The following SPATS2 variants were observed in gnomAD, a reference collection of about 807,000 sequenced individuals.
SPATS2 encodes the protein spermatogenesis associated serine rich 2.
In SPATS2, 38 loss-of-function variants were observed where a neutral mutation model predicts 63.7. The ratio of observed to expected loss-of-function variants is 0.60; its 90% confidence interval spans 0.46 to 0.78. The LOEUF (loss-of-function observed/expected upper bound fraction) is 0.78, where lower values mean the gene tolerates loss of function less well. Among genes scored for constraint, SPATS2 ranks in the 30% least tolerant of loss-of-function variants. SPATS2 has a pLI of 0.00. For missense variants in SPATS2, 588 were observed against 666.2 expected (o/e 0.88, Z 1.29); for synonymous variants, 207 against 232.9 (o/e 0.89, Z 1.01).
intron 2 of SPATS2, among the ~76,000 whole-genome samples, chr12:49,437,840 C>T (rs892884867): frequency 1.1e-4 from 17 of 151,652 alleles, no homozygotes; most frequent in Middle Eastern, 6.8e-3. Flanking sequence ...AGAGGGAGAC[C>T]GTGGGGAGAG....
intron 2 of SPATS2, among the ~76,000 whole-genome samples, chr12:49,453,431 G>C (rs1049398380): frequency 6.6e-6 from 1 of 152,120 alleles, no homozygotes; most frequent in Non-Finnish European, 1.5e-5. Context: ...GACTAAATCT[G>C]TGGAATCTTT....
rs527624122 is a variant in SPATS2 at position 49,450,938 on chromosome 12, G to A, written c.-243-9832G>A. Among the ~76,000 whole-genome samples, 11 of 151,116 alleles carry A rather than the reference G, an allele frequency of 7.3e-5. No homozygotes were observed. In the East Asian group the frequency reaches 7.7e-4, roughly 11 times the overall value. ...GGCTAGAGTGCAGTTACACGATCTC[G>A]GCTCGCTGGAACCTCTGCCTCCTGG... On this transcript the variant is annotated intron_variant, in intron 2 of 13. Coordinates refer to ENST00000552918, the MANE Select transcript of SPATS2 (RefSeq NM_023071.4).
At chr12:49,469,108 A>C (rs1455603584) in intron 3 of SPATS2, among the ~76,000 whole-genome samples, 1 of 151,964 alleles carries the variant, frequency 6.6e-6, no homozygotes, top group Non-Finnish European at 1.5e-5. Context: ...AAAATAAAAT[A>C]AATTAATGGC....
chr12:49,382,596 A>T (rs934285319), intron 2 of SPATS2, among the ~76,000 whole-genome samples: 5 of 152,192 alleles, frequency 3.3e-5, no homozygotes, highest in African/African-American at 1.2e-4. Context: ...CACTGTCCTA[A>T]TTAACATTCC....
intron 9 of SPATS2, among the ~76,000 whole-genome samples, chr12:49,505,269 T>TA (rs1946638045): frequency 2.0e-5 from 3 of 152,298 alleles, no homozygotes; most frequent in Non-Finnish European, 4.4e-5. Flanking sequence ...AAAATGTACA[T>TA]AGCACTGTAG....
At chr12:49,456,469 C>T (rs1242025751) in intron 2 of SPATS2, among the ~76,000 whole-genome samples, 1 of 152,214 alleles carries the variant, frequency 6.6e-6, no homozygotes, top group Non-Finnish European at 1.5e-5. Context: ...GACAAGACTA[C>T]TTAGGCCACT....
At chr12:49,462,148 T>G in intron 3 of SPATS2, 4 of 591,470 alleles carry the variant, frequency 6.8e-6, no homozygotes, top group Non-Finnish European at 1.2e-5. Flanking sequence ...AACTAGAGAG[T>G]CTTTATTTCA....
chr12:49,373,163 G>A (rs186273112), intron 2 of SPATS2, among the ~76,000 whole-genome samples: 4 of 152,014 alleles, frequency 2.6e-5, no homozygotes, highest in Admixed American at 1.3e-4. Context: ...TAGTAGAGAG[G>A]GGGTTTCTTC....
intron 9 of SPATS2, among the ~76,000 whole-genome samples, chr12:49,513,796 A>G (rs1293373239): frequency 6.6e-6 from 1 of 152,212 alleles, no homozygotes; most frequent in African/African-American, 2.4e-5. Context: ...TAGTGGGGAT[A>G]TTGCTTGGTA....
chr12:49,501,214 G>A (rs901102455), intron 9 of SPATS2, among the ~76,000 whole-genome samples: 3 of 152,154 alleles, frequency 2.0e-5, no homozygotes, highest in Non-Finnish European at 4.4e-5. Context: ...CCTGAAGCTG[G>A]GTAATTTATA....
At chr12:49,449,897 G>A (rs1245463112) in intron 2 of SPATS2, among the ~76,000 whole-genome samples, 1 of 152,136 alleles carries the variant, frequency 6.6e-6, no homozygotes, top group Non-Finnish European at 1.5e-5. Context: ...CAGTTATTGA[G>A]AGTGGGATAC....
rs759835365 is a variant in SPATS2 at position 49,496,820 on chromosome 12, C to T, written c.527-13C>T. ...AAATTGTGCTCTAAAGTACAGTCCT[C>T]TTTCTTGGACAGGATCCATGCTGCA... On this transcript the variant is annotated splice_polypyrimidine_tract_variant and intron_variant, in intron 7 of 13. Coordinates refer to ENST00000552918, the MANE Select transcript of SPATS2 (RefSeq NM_023071.4). The T allele has an allele frequency of 3.1e-6, 5 of 1,613,386 alleles. No individual in the cohort carries two copies. Among genetic ancestry groups the T allele is most frequent in the Non-Finnish European group, 4.2e-6 (5 of 1,179,746 alleles).
At chr12:49,366,924 G>A (rs574164091), upstream of SPATS2, 2 of 152,120 alleles carry the variant, frequency 1.3e-5, no homozygotes, top group South Asian at 2.1e-4. Context: ...CGCCGGGTAC[G>A]AGCTGTGCTG....
At chr12:49,367,631 A>G in intron 1 of SPATS2, 44 bp downstream of exon 1, 1 of 154,358 alleles carries the variant, frequency 6.5e-6, no homozygotes, top group Non-Finnish European at 1.3e-5. Context: ...GGGGGCTCAG[A>G]GGGCGCCGAG....
chr12:49,416,675 G>T (rs1944895199), intron 2 of SPATS2, among the ~76,000 whole-genome samples: 1 of 151,868 alleles, frequency 6.6e-6, no homozygotes, highest in Non-Finnish European at 1.5e-5. Context: ...AGTAGAGGTG[G>T]GGTTTCACCA....
At chr12:49,411,349 A>G (rs1207800804) in intron 2 of SPATS2, among the ~76,000 whole-genome samples, 1 of 152,074 alleles carries the variant, frequency 6.6e-6, no homozygotes, top group Non-Finnish European at 1.5e-5. Context: ...AAGCCTCCAT[A>G]ACTCAAATAC....
intron 2 of SPATS2, among the ~76,000 whole-genome samples, chr12:49,409,062 A>G (rs1362913643): frequency 1.3e-5 from 2 of 152,176 alleles, no homozygotes; most frequent in African/African-American, 4.8e-5. Flanking sequence ...TGACATTTGA[A>G]TACATTTTTG....
At chr12:49,458,129 G>A (rs1282485886) in intron 2 of SPATS2, among the ~76,000 whole-genome samples, 1 of 152,014 alleles carries the variant, frequency 6.6e-6, no homozygotes, top group African/African-American at 2.4e-5. Context: ...TGTTTTTCCA[G>A]TCAGGTGCCC....
chr12:49,385,919 A>AG (rs1407084540), intron 2 of SPATS2, among the ~76,000 whole-genome samples: 3 of 148,236 alleles, frequency 2.0e-5, no homozygotes, highest in African/African-American at 7.5e-5. Flanking sequence ...CCCGGGCTGG[A>AG]GTGCAGTGGT....
Sources: gnomAD v4.1 joint callset for allele counts (sites outside exome capture counted in the v4.1 genomes callset) on GRCh38, gnomAD v4.1.1 for gene constraint, MANE v1.5 for transcripts, NCBI Gene and HGNC (gene_info 2026-07-23, HGNC 2026-07-21) for gene names.